The following FUBP3 variants were observed in gnomAD, a reference collection of about 807,000 sequenced individuals.
The protein encoded by FUBP3 is far upstream element binding protein 3, also known as far upstream element-binding protein 3.
FUBP3 carries 28 observed loss-of-function variants against 85.6 expected under a neutral mutation model. The observed-to-expected ratio is 0.33, with a 90% CI of 0.24 to 0.45. The LOEUF (loss-of-function observed/expected upper bound fraction) is 0.45. Ranked by LOEUF, FUBP3 falls within the 20% of genes least tolerant of loss-of-function variation. FUBP3 has a pLI of 1.00. For missense variants in FUBP3, 583 were observed against 755.1 expected (o/e 0.77, Z 2.67); for synonymous variants, 271 against 271.4 (o/e 1.00, Z 0.01).
At chr9:130,630,946 C>T (rs886594448) in intron 13 of FUBP3, among the ~76,000 whole-genome samples, 158 bp downstream of exon 13, 6 of 152,082 alleles carry the variant, frequency 3.9e-5, no homozygotes, top group East Asian at 1.9e-4. Context: ...AGGGGAGGGT[C>T]GGAGACCCAG....
chr9:130,589,705 A>ATTTTTT lies in FUBP3; in HGVS notation c.85-5760_85-5755dup, dbSNP rs779633795. The stretch of plus-strand genomic sequence containing the variant: ...TATATATATATATATATATATATAT[A>ATTTTTT]TTTTTTTTTTTTTTTTTTTTTTTAA... On this transcript the variant is annotated intron_variant, in intron 1 of 18. Coordinates refer to ENST00000319725, the MANE Select transcript of FUBP3 (RefSeq NM_003934.2). 1.3e-3 allele frequency among the ~76,000 whole-genome samples: 93 copies of ATTTTTT among 73,738 alleles called. 1 individual carries two copies. The highest frequency in any genetic ancestry group is 5.1e-3 in the African/African-American group (66 of 12,926). 48.4% of individuals were successfully genotyped at this position (73,738 alleles called of 152,430 possible).
Position 130,579,642 on chromosome 9 carries a change from G to GCGGCGT in FUBP3, c.-33_-28dup, listed in dbSNP as rs1173164624. The GCGGCGT allele has an allele frequency of 6.7e-6, 8 of 1,196,362 alleles. No individual in the cohort carries two copies. The highest frequency in any genetic ancestry group is 1.6e-5 in the African/African-American group (1 of 63,374). 74.1% of individuals were successfully genotyped at this position (1,196,362 alleles called of 1,614,324 possible). A position where few individuals can be genotyped will look rare whatever the true frequency, so the allele number is the denominator to read the frequency against. The stretch of plus-strand genomic sequence containing the variant: ...ACCGGGGAGCCGAGCGGCGGCGTCG[G>GCGGCGT]CGGCGTCGGCGGCGGCGGCGACGGC... On this transcript the variant is annotated 5_prime_UTR_variant, in exon 1 of 19. Coordinates refer to ENST00000319725, the MANE Select transcript of FUBP3 (RefSeq NM_003934.2).
At chr9:130,631,148 A>T in intron 13 of FUBP3, 1 of 1,148,812 alleles carries the variant, frequency 8.7e-7, no homozygotes, top group South Asian at 3.8e-5. Context: ...GCTTTCATTG[A>T]CTCTGGCTTT....
chr9:130,621,644 C>T (rs1366173108), intron 9 of FUBP3, among the ~76,000 whole-genome samples: 6 of 152,196 alleles, frequency 3.9e-5, no homozygotes, highest in Admixed American at 2.6e-4. Context: ...TGGTGGCTCA[C>T]GCCTGTAATC....
chr9:130,586,436 G>C (rs1830340438), intron 1 of FUBP3, among the ~76,000 whole-genome samples: 1 of 152,068 alleles, frequency 6.6e-6, no homozygotes, highest in African/African-American at 2.4e-5. Context: ...GGATCTCTCT[G>C]TGTCACCCAG....
chr9:130,633,695 G>A (rs1054915659), intron 16 of FUBP3, among the ~76,000 whole-genome samples: 1 of 152,230 alleles, frequency 6.6e-6, no homozygotes, highest in African/African-American at 2.4e-5. Flanking sequence ...GGCGCCCTCC[G>A]CGTCCGAGGG....
At chr9:130,623,988 G>T (rs552175713) in intron 11 of FUBP3, among the ~76,000 whole-genome samples, 1 of 152,000 alleles carries the variant, frequency 6.6e-6, no homozygotes, top group Non-Finnish European at 1.5e-5. Context: ...ATGGAGATTG[G>T]TCGCCAAGTT....
intron 16 of FUBP3, among the ~76,000 whole-genome samples, chr9:130,632,551 T>G (rs917117656): frequency 6.6e-6 from 1 of 152,036 alleles, no homozygotes; most frequent in African/African-American, 2.4e-5. Context: ...GTCCTCAGAG[T>G]TCTGGGCCTC....
At chr9:130,606,456 G>T (rs923366607) in intron 2 of FUBP3, among the ~76,000 whole-genome samples, 4 of 152,204 alleles carry the variant, frequency 2.6e-5, no homozygotes, top group Non-Finnish European at 4.4e-5. Flanking sequence ...GCCCGTGCTG[G>T]CTGTGCTGTC....
chr9:130,599,346 T>C (rs550317639), intron 2 of FUBP3, among the ~76,000 whole-genome samples: 4 of 119,054 alleles, frequency 3.4e-5, no homozygotes, highest in South Asian at 2.8e-4. Flanking sequence ...TATATACACA[T>C]ATATATAAGT....
chr9:130,579,807 GGGGCCTGGCGGGCGGGGAAGAGGGGTTC>G (rs1312492778), intron 1 of FUBP3, 43 bp downstream of exon 1: 4 of 1,175,186 alleles, frequency 3.4e-6, no homozygotes, highest in Non-Finnish European at 4.3e-6. Context: ...ATCCCGAGGC[GGGGCCTGGCGGGCGGGGAAGAGGGGTTC>G]GGGCCTGGGG....
chr9:130,590,021 ATTTTTTTTTT>A (rs60878897), intron 1 of FUBP3, among the ~76,000 whole-genome samples: 24 of 45,994 alleles, frequency 5.2e-4, no homozygotes, highest in Admixed American at 4.2e-4. Context: ...GGCCTATTTA[ATTTTTTTTTT>A]TTTTTTTTTT....
chr9:130,628,082 A>G (rs1430163948), intron 12 of FUBP3, among the ~76,000 whole-genome samples: 2 of 138,978 alleles, frequency 1.4e-5, no homozygotes, highest in Non-Finnish European at 3.1e-5. Context: ...CGCACTAAAC[A>G]CACGCACGCA....
rs555346334 is a variant in FUBP3, at chr9:130,629,727, A to C, written c.1118-901A>C. On this transcript the variant is annotated intron_variant, in intron 12 of 18. Coordinates refer to ENST00000319725, the MANE Select transcript of FUBP3 (RefSeq NM_003934.2). The stretch of plus-strand genomic sequence containing the variant: ...CTGGCCCCGGTCTTTGCTTTTGATC[A>C]CCCAGGCTCGCTGCTGCCCTATACC... 9.7e-4 allele frequency among the ~76,000 whole-genome samples: 147 copies of C among 152,088 alleles called. 1 individual carries two copies. The highest frequency in any genetic ancestry group is 1.4e-3 in the Non-Finnish European group (98 of 67,978).
chr9:130,631,168 C>T, intron 13 of FUBP3: 2 of 1,145,450 alleles, frequency 1.7e-6, no homozygotes, highest in Non-Finnish European at 2.1e-6. Context: ...TAGTTTCAGG[C>T]ACCTCAAGGC....
In FUBP3 at chr9:130,630,628, G is replaced by A; in HGVS notation, c.1118G>A (p.Gly373Glu). 2 of 1,594,492 alleles carry A rather than the reference G, an allele frequency of 1.3e-6. No homozygotes were observed. The highest frequency in any genetic ancestry group is 8.5e-7 in the Non-Finnish European group (1 of 1,170,998). Residue 373 changes from glycine to glutamate, a missense_variant and splice_region_variant, in exon 13 of 19, where the codon GGG (glycine) becomes GAG (glutamate). Gly to Glu is a moderately conservative substitution (Grantham distance 98). Around this residue, in one of 3 missense-constraint regions of FUBP3, gnomAD observed 404 missense variants for 516.8 expected, o/e 0.78. Transcript: ENST00000319725. ...TCTGCCTGTGTTGTGCTGTCCGCAG[G>A]GGGTGAGAACATCAAAAGCATCAAC... is the stretch of plus-strand genomic sequence containing the variant. ...ADKCGLVIGK[G>E]GENIKSINQQ...
chr9:130,596,843 G>A (rs2119030192), intron 2 of FUBP3, among the ~76,000 whole-genome samples: 1 of 152,272 alleles, frequency 6.6e-6, no homozygotes, highest in South Asian at 2.1e-4. Flanking sequence ...ATGCAGGCCT[G>A]CAATGTGAAA....
At chr9:130,628,206 G>A (rs1830071652) in intron 12 of FUBP3, among the ~76,000 whole-genome samples, 1 of 152,122 alleles carries the variant, frequency 6.6e-6, no homozygotes, top group Non-Finnish European at 1.5e-5. Context: ...GGAGCCCCAC[G>A]CAGCCAGGCC....
intron 5 of FUBP3, among the ~76,000 whole-genome samples, chr9:130,614,008 G>C (rs1212070130): frequency 6.6e-6 from 1 of 152,262 alleles, no homozygotes; most frequent in Non-Finnish European, 1.5e-5. Context: ...TAGCATGTGA[G>C]TGGGTCAGAA....
Sources: allele counts gnomAD v4.1 joint callset (sites outside exome capture counted in the v4.1 genomes callset), GRCh38; gene constraint gnomAD v4.1.1; regional missense constraint gnomAD v4.1.1; transcripts MANE v1.5; gene names NCBI Gene and HGNC (gene_info 2026-07-23, HGNC 2026-07-21).